Variants in ANO3 observed in about 807,000 individuals in gnomAD.
ANO3 encodes anoctamin 3, also known as anoctamin-3.
Under a neutral mutation model 144.8 loss-of-function variants are expected in ANO3, and 99 were observed. The ratio of observed to expected loss-of-function variants is 0.68; its 90% confidence interval spans 0.58 to 0.81. The LOEUF is 0.81. Among genes scored for constraint, ANO3 ranks in the 30% least tolerant of loss-of-function variants. The pLI is 0.00. For synonymous variants in ANO3, 414 were observed against 392.6 expected (o/e 1.05, Z -0.64); for missense variants, 905 against 1,202.2 (o/e 0.75, Z 3.66).
At chr11:26,445,377 C>A (rs1266813846) in intron 3 of ANO3, among the ~76,000 whole-genome samples, 3 of 152,122 alleles carry the variant, frequency 2.0e-5, no homozygotes, top group Non-Finnish European at 4.4e-5. Context: ...TAACAATCAC[C>A]CTATTAAAAA....
At chr11:26,389,577 A>G (rs1442688150) in intron 1 of ANO3, among the ~76,000 whole-genome samples, 1 of 152,050 alleles carries the variant, frequency 6.6e-6, no homozygotes, top group Non-Finnish European at 1.5e-5. Context: ...ATGATTATAG[A>G]TACCATTCTT....
At chr11:26,235,070 G>C (rs1348156390) in intron 1 of ANO3, among the ~76,000 whole-genome samples, 1 of 150,596 alleles carries the variant, frequency 6.6e-6, no homozygotes, top group Non-Finnish European at 1.5e-5. Context: ...ATTAGATTTT[G>C]TTCTGTTGGG....
intron 14 of ANO3, among the ~76,000 whole-genome samples, chr11:26,592,873 A>C (rs543271707): frequency 1.3e-5 from 2 of 152,160 alleles, no homozygotes; most frequent in East Asian, 3.9e-4. Flanking sequence ...GGAGGAAACT[A>C]TGTCCTCTCG....
At chr11:26,266,151 A>G (rs976939592) in intron 1 of ANO3, among the ~76,000 whole-genome samples, 1 of 151,936 alleles carries the variant, frequency 6.6e-6, no homozygotes, top group African/African-American at 2.4e-5. Context: ...ATCTAGGAGG[A>G]TTTTTTTTCA....
chr11:26,553,125 A>G (rs560606967), intron 12 of ANO3, 124 bp from the exon 13 acceptor site: 2 of 724,532 alleles, frequency 2.8e-6, no homozygotes, highest in Non-Finnish European at 4.8e-6. Flanking sequence ...CACTATTCCC[A>G]TTTCTTCTCC....
intron 1 of ANO3, among the ~76,000 whole-genome samples, chr11:26,350,616 A>G (rs999864793): frequency 2.0e-5 from 3 of 152,080 alleles, no homozygotes; most frequent in African/African-American, 7.2e-5. Flanking sequence ...TCTTTTTTAA[A>G]GTTTCCATAT....
chr11:26,247,448 C>T (rs1054734476), intron 1 of ANO3, among the ~76,000 whole-genome samples: 4 of 152,090 alleles, frequency 2.6e-5, no homozygotes, highest in African/African-American at 9.7e-5. Flanking sequence ...TCTGTGTATC[C>T]ATATGCCAGT....
intron 23 of ANO3, among the ~76,000 whole-genome samples, chr11:26,644,722 C>T (rs1853283934): frequency 6.6e-6 from 1 of 151,580 alleles, no homozygotes; most frequent in African/African-American, 2.4e-5. Context: ...TATTTGTATT[C>T]CTTCTTTGCT....
At chr11:26,630,055 C>G (rs545780717) in intron 18 of ANO3, among the ~76,000 whole-genome samples, 9 of 152,270 alleles carry the variant, frequency 5.9e-5, no homozygotes, top group Admixed American at 5.9e-4. Flanking sequence ...TCACAAGTAA[C>G]AAGAAGATAA....
At chr11:26,398,993 T>A (rs1183670137) in intron 1 of ANO3, among the ~76,000 whole-genome samples, 1 of 151,896 alleles carries the variant, frequency 6.6e-6, no homozygotes. Context: ...CCACTGCAAG[T>A]GGATGGAACA....
chr11:26,547,673 ATT>A, intron 12 of ANO3, 123 bp downstream of exon 12: 1 of 1,006,552 alleles, frequency 9.9e-7, no homozygotes, highest in East Asian at 2.6e-5. Context: ...TTTATTTGCT[ATT>A]TCTGTTTTTT....
chr11:26,524,090 T>G (rs895531143), intron 6 of ANO3, among the ~76,000 whole-genome samples: 1 of 152,206 alleles, frequency 6.6e-6, no homozygotes, highest in Non-Finnish European at 1.5e-5. Flanking sequence ...AAACAAAGGC[T>G]CATTCATTTA....
upstream of ANO3, among the ~76,000 whole-genome samples, chr11:26,306,115 A>C (rs1854374669): frequency 7.0e-6 from 1 of 142,408 alleles, no homozygotes; most frequent in South Asian, 2.3e-4. Context: ...CCCGCCACCA[A>C]GCCCGGATAA....
chr11:26,371,301 GA>G (rs1856248442), intron 1 of ANO3, among the ~76,000 whole-genome samples: 1 of 152,224 alleles, frequency 6.6e-6, no homozygotes, highest in Admixed American at 6.5e-5. Context: ...GTGCACAAAA[GA>G]CAATATTTGC....
intron 4 of ANO3, among the ~76,000 whole-genome samples, chr11:26,486,569 GTTC>G (rs1192298672): frequency 1.3e-5 from 2 of 152,122 alleles, no homozygotes; most frequent in East Asian, 3.9e-4. Flanking sequence ...TTTTGTTTTA[GTTC>G]TTCTTAGATA....
intron 1 of ANO3, among the ~76,000 whole-genome samples, chr11:26,207,739 A>T (rs1490487037): frequency 2.4e-5 from 2 of 84,254 alleles, no homozygotes; most frequent in East Asian, 5.5e-4. Flanking sequence ...AGTAAAACTG[A>T]CCGTAGTACA....
chr11:26,596,642 G>A (rs61878574), intron 14 of ANO3, among the ~76,000 whole-genome samples: 20,703 of 152,152 alleles, frequency 0.14, 1,723 homozygotes, highest in South Asian at 0.18. Flanking sequence ...CTTGGGAACG[G>A]AAGTGAAAGT....
At chr11:26,471,402 T>C (rs1035953229) in intron 4 of ANO3, among the ~76,000 whole-genome samples, 15 of 151,928 alleles carry the variant, frequency 9.9e-5, no homozygotes, top group African/African-American at 2.7e-4. Flanking sequence ...TAAGTAAAAA[T>C]AGATAATTTG....
chr11:26,208,512 C>CAA (rs67196052), intron 1 of ANO3, among the ~76,000 whole-genome samples: 4 of 121,674 alleles, frequency 3.3e-5, no homozygotes, highest in African/African-American at 3.4e-5. Context: ...GACTCCGTCT[C>CAA]AAAAAAAAAA....
Sources: allele counts gnomAD v4.1 joint callset (sites outside exome capture counted in the v4.1 genomes callset), GRCh38; gene constraint gnomAD v4.1.1; transcripts MANE v1.5; gene names NCBI Gene and HGNC (gene_info 2026-07-23, HGNC 2026-07-21).